NRG3: variants seen among roughly 807,000 people sequenced by gnomAD.
NRG3 encodes the protein pro-neuregulin-3, membrane-bound isoform.
NRG3 carries 31 observed loss-of-function variants against 66.9 expected under a neutral mutation model. The observed-to-expected ratio is 0.46, with a 90% confidence interval of 0.35 to 0.63. NRG3 has a LOEUF of 0.63. Ranked by LOEUF, NRG3 falls within the 20% of genes least tolerant of loss-of-function variation. The pLI, the probability that NRG3 is intolerant of heterozygous loss-of-function variation, is 0.00. For synonymous variants in NRG3, 393 were observed against 359.4 expected, an observed-to-expected ratio of 1.09 and a Z score of -1.06; for missense variants, 910 against 878.9, an observed-to-expected ratio of 1.04 and a Z score of -0.45.
intron 1 of NRG3, among the ~76,000 whole-genome samples, chr10:82,263,838 A>C (rs1465989717): frequency 1.3e-5 from 2 of 152,222 alleles, no homozygotes; most frequent in Non-Finnish European, 2.9e-5. Flanking sequence ...AAGGTGATGC[A>C]TCCATTAGCA....
At chr10:82,049,132 G>A (rs191535770) in intron 1 of NRG3, among the ~76,000 whole-genome samples, 5 of 152,006 alleles carry the variant, frequency 3.3e-5, no homozygotes, top group African/African-American at 7.2e-5. Flanking sequence ...TTTATTCTTC[G>A]TACGGTATAG....
At chr10:82,313,915 T>C (rs537885258) in intron 1 of NRG3, among the ~76,000 whole-genome samples, 1 of 152,344 alleles carries the variant, frequency 6.6e-6, no homozygotes, top group Admixed American at 6.5e-5. Flanking sequence ...TCTTTGATTC[T>C]GACCCATTTT....
At chr10:82,877,987 A>G (rs930523764) in intron 4 of NRG3, among the ~76,000 whole-genome samples, 1 of 152,174 alleles carries the variant, frequency 6.6e-6, no homozygotes, top group Non-Finnish European at 1.5e-5. Context: ...CCAAAGGAGC[A>G]TATATGCTAG....
chr10:82,751,217 T>C (rs888894451), intron 3 of NRG3, among the ~76,000 whole-genome samples: 1 of 152,168 alleles, frequency 6.6e-6, no homozygotes, highest in Non-Finnish European at 1.5e-5. Context: ...CTCCATTTTC[T>C]TGGGAATCTT....
intron 2 of NRG3, among the ~76,000 whole-genome samples, chr10:82,616,518 T>A (rs1268227897): frequency 2.6e-5 from 4 of 152,234 alleles, no homozygotes; most frequent in African/African-American, 7.2e-5. Flanking sequence ...ATTTGAAATC[T>A]GATCTCACAC....
intron 1 of NRG3, among the ~76,000 whole-genome samples, chr10:82,197,119 C>T (rs1012688285): frequency 6.7e-6 from 1 of 149,398 alleles, no homozygotes; most frequent in African/African-American, 2.6e-5. Flanking sequence ...TCTGTGACTG[C>T]AGTCAAGATG....
At chr10:82,594,394 G>A (rs944152807) in intron 2 of NRG3, among the ~76,000 whole-genome samples, 11 of 152,030 alleles carry the variant, frequency 7.2e-5, no homozygotes, top group African/African-American at 1.2e-4. Flanking sequence ...ATCCAGAAAG[G>A]CATTGTTGCC....
chr10:82,205,938 G>A (rs2075096456), intron 1 of NRG3, among the ~76,000 whole-genome samples: 1 of 152,042 alleles, frequency 6.6e-6, no homozygotes, highest in African/African-American at 2.4e-5. Flanking sequence ...ACAAGACTTG[G>A]CTTCTTATTG....
intron 2 of NRG3, among the ~76,000 whole-genome samples, chr10:82,661,365 C>T (rs1390145056): frequency 2.0e-5 from 3 of 151,736 alleles, no homozygotes; most frequent in African/African-American, 7.3e-5. Context: ...AATATATAAA[C>T]AGCATATTAA....
intron 4 of NRG3, among the ~76,000 whole-genome samples, chr10:82,903,162 A>AT (rs1405850204): frequency 6.6e-6 from 1 of 152,180 alleles, no homozygotes; most frequent in Non-Finnish European, 1.5e-5. Context: ...ATGTAGTATT[A>AT]TGTCTTCACT....
chr10:82,196,767 T>A (rs1259342022), intron 1 of NRG3, among the ~76,000 whole-genome samples: 1 of 152,056 alleles, frequency 6.6e-6, no homozygotes, highest in African/African-American at 2.4e-5. Context: ...AGGAAGAGGG[T>A]GAATGGCAGG....
At chr10:82,909,030 C>T (rs994428354) in intron 4 of NRG3, among the ~76,000 whole-genome samples, 1 of 152,228 alleles carries the variant, frequency 6.6e-6, no homozygotes, top group African/African-American at 2.4e-5. Context: ...TAGCACTGTC[C>T]TCCAGTAGTC....
chr10:82,166,317 C>A (rs528830962), intron 1 of NRG3, among the ~76,000 whole-genome samples: 27 of 152,310 alleles, frequency 1.8e-4, no homozygotes, highest in Admixed American at 3.3e-4. Context: ...CCAGGTCCGG[C>A]CTGATTGAAT....
chr10:82,069,526 T>C (rs2064680099), intron 1 of NRG3, among the ~76,000 whole-genome samples: 2 of 152,160 alleles, frequency 1.3e-5, no homozygotes, highest in Non-Finnish European at 2.9e-5. Flanking sequence ...AGAATTTAAA[T>C]ACTAATACCC....
intron 1 of NRG3, among the ~76,000 whole-genome samples, chr10:82,141,045 T>A (rs2069742289): frequency 6.6e-6 from 1 of 152,032 alleles, no homozygotes; most frequent in African/African-American, 2.4e-5. Flanking sequence ...GTATGGTGAG[T>A]ACATATGGGG....
intron 1 of NRG3, among the ~76,000 whole-genome samples, chr10:82,211,401 A>G (rs920565830): frequency 6.6e-6 from 1 of 152,162 alleles, no homozygotes; most frequent in Non-Finnish European, 1.5e-5. Flanking sequence ...GCTTAGAATG[A>G]AGATGGTTGA....
chr10:81,952,818 C>T (rs1410777949), intron 1 of NRG3, among the ~76,000 whole-genome samples: 1 of 151,762 alleles, frequency 6.6e-6, no homozygotes, highest in African/African-American at 2.4e-5. Context: ...GCTATGTTGC[C>T]CAGGGTGGTC....
At chr10:81,979,775 A>C (rs1396288517) in intron 1 of NRG3, among the ~76,000 whole-genome samples, 1 of 152,226 alleles carries the variant, frequency 6.6e-6, no homozygotes. Flanking sequence ...CTTGTATTTC[A>C]TTCAAGACCG....
chr10:81,895,029 G>T (rs991573676), intron 1 of NRG3, among the ~76,000 whole-genome samples: 1 of 152,176 alleles, frequency 6.6e-6, no homozygotes, highest in Non-Finnish European at 1.5e-5. Context: ...GCGGCATCCT[G>T]TAGCTCCCTG....
Sources: gnomAD v4.1 joint callset for allele counts (sites outside exome capture counted in the v4.1 genomes callset) on GRCh38, gnomAD v4.1.1 for gene constraint, MANE v1.5 for transcripts, NCBI Gene and HGNC (gene_info 2026-07-23, HGNC 2026-07-21) for gene names.